Variants in SEMA4A observed in about 807,000 individuals in gnomAD.
SEMA4A encodes semaphorin 4A, also known as semaphorin-4A.
In SEMA4A, 52 loss-of-function variants were observed where a neutral mutation model predicts 72.5. The observed-to-expected ratio is 0.72, with a 90% CI of 0.57 to 0.90. The LOEUF (loss-of-function observed/expected upper bound fraction) is 0.90, where lower values mean the gene tolerates loss of function less well. Ranked by LOEUF, SEMA4A falls within the 40% of genes least tolerant of loss-of-function variation. The probability of loss-of-function intolerance (pLI) is 0.00; values close to 1 mark genes in which losing one functional copy is unlikely to be tolerated. For missense variants in SEMA4A, 926 were observed against 959.7 expected, an observed-to-expected ratio of 0.96 and a Z score of 0.46; for synonymous variants, 369 against 393.1, an observed-to-expected ratio of 0.94 and a Z score of 0.73.
At chr1:156,161,319 G>GCCCCCAGACA in intron 8 of SEMA4A, 27 bp from the exon 9 acceptor site, 2 of 806,742 alleles carry the variant, frequency 2.5e-6, no homozygotes, top group East Asian at 4.3e-5. Flanking sequence ...CGCCCGGGGC[G>GCCCCCAGACA]CCCCCTGACT....
chr1:156,168,570 T>C (rs1654406652), intron 10 of SEMA4A, among the ~76,000 whole-genome samples: 1 of 151,894 alleles, frequency 6.6e-6, no homozygotes. Flanking sequence ...TTTTTTCCCC[T>C]ATTTGTTTAT....
In SEMA4A at chr1:156,174,957, C is replaced by A; in HGVS notation, c.1434+17C>A. On this transcript the variant is annotated intron_variant, in intron 12 of 14. Coordinates refer to ENST00000368285, the MANE Select transcript of SEMA4A (RefSeq NM_022367.4). The stretch of plus-strand genomic sequence containing the variant: ...CCCACCCAGGTGGGAAGGGACCTGA[C>A]CATCAAATGGCCTTCCAGTGGGGCT... 6.2e-7 allele frequency: 1 copy of A among 1,614,232 alleles called. No homozygotes were observed. Among genetic ancestry groups the A allele is most frequent in the Non-Finnish European group, 8.5e-7 (1 of 1,180,036 alleles).
chr1:156,175,704 CT>C (rs1655261628), intron 14 of SEMA4A, 48 bp downstream of exon 14: 2 of 1,402,352 alleles, frequency 1.4e-6, no homozygotes, highest in East Asian at 4.8e-5. Context: ...CTCTGGAAGA[CT>C]TTTGGGCAGG....
Position 156,157,471 on chromosome 1 carries a change from A to G in SEMA4A, c.301-599A>G, listed in dbSNP as rs1268785942. 2.0e-5 allele frequency among the ~76,000 whole-genome samples: 3 copies of G among 152,206 alleles called. No individual in the cohort carries two copies. The highest frequency in any genetic ancestry group is 4.4e-5 in the Non-Finnish European group (3 of 68,036). ...AGTGCTGGGATTACAGGTGTGAGCC[A>G]CTGTGCCTGGCTGCTTCTGTCTTAG... On this transcript the variant is annotated intron_variant, in intron 3 of 14. Transcript: ENST00000368285. The surrounding 1 kb of genome is among the most constrained non-coding windows in gnomAD (Gnocchi z 4.5).
intron 3 of SEMA4A, 37 bp downstream of exon 3, chr1:156,156,611 T>C (rs1478080711): frequency 1.2e-6 from 2 of 1,610,284 alleles, no homozygotes; most frequent in Non-Finnish European, 8.5e-7. Context: ...GGGCTGGGAG[T>C]GAAGAGGGGG....
At position 156,175,195 on chromosome 1, in the gene SEMA4A, C is replaced by T; in HGVS notation, c.1544C>T (p.Ala515Val). ...GTCCTTGCCCGGGACCCCCACTGTGCCTGGGACCCTGAGTCCCGAACCTGT... is the reference window on the plus strand; with the variant it reads ...GTCCTTGCCCGGGACCCCCACTGTGTCTGGGACCCTGAGTCCCGAACCTGT... The part of the protein sequence containing the change: ...DCVLARDPHC[A>V]WDPESRTCCL... The change falls in exon 13 of 15, where the codon GCC becomes GTC. Residue 515 changes from alanine (A) to valine (V), a missense_variant. Physicochemically the swap from Ala to Val is moderately conservative, Grantham distance 64. Transcript: ENST00000368285. The T allele has an allele frequency of 6.2e-7, 1 of 1,614,086 alleles. No homozygotes were observed. Among genetic ancestry groups the T allele is most frequent in the South Asian group, 1.1e-5 (1 of 91,090 alleles).
rs751031115 is a variant in SEMA4A, at chr1:156,174,824, A to G, written c.1318A>G (p.Thr440Ala). The G allele has an allele frequency of 4.3e-6, 7 of 1,614,046 alleles. No individual in the cohort carries two copies. The highest frequency in any genetic ancestry group is 5.9e-6 in the Non-Finnish European group (7 of 1,180,030). The part of the protein sequence containing the change: ...SHLVMYLGTT[T>A]GSLHKAVVSG... ...CCACTCTCTCTGTCTCCCCATAGCC[A>G]CAGGGTCGCTCCACAAGGCTGTGGT... Residue 440 changes from threonine (T) to alanine (A), a missense_variant and splice_region_variant, in exon 12 of 15, where the codon ACA becomes GCA. Coordinates refer to ENST00000368285, the MANE Select transcript of SEMA4A (RefSeq NM_022367.4).
At chr1:156,172,611 G>A (rs1191282998) in intron 10 of SEMA4A, among the ~76,000 whole-genome samples, 1 of 152,232 alleles carries the variant, frequency 6.6e-6, no homozygotes, top group Non-Finnish European at 1.5e-5. Flanking sequence ...CTATGAGGCA[G>A]GTCTTGGTAA....
At chr1:156,151,840 A>G (rs923814983), upstream of SEMA4A, among the ~76,000 whole-genome samples, 57 of 136,180 alleles carry the variant, frequency 4.2e-4, no homozygotes, top group Admixed American at 7.7e-4. Flanking sequence ...CTTCGTCTCA[A>G]AAAAAAAAAA....
At chr1:156,156,179 C>G (rs767539812) in intron 2 of SEMA4A, 1 of 533,232 alleles carries the variant, frequency 1.9e-6, no homozygotes, top group Non-Finnish European at 3.5e-6. Context: ...CTTTATTTCC[C>G]GTCCCCATTA....
At position 156,154,671 on chromosome 1, in the gene SEMA4A, G is replaced by A. The variant is rs769429823; in HGVS notation, c.93G>A (p.Ala31=). 12 of 1,598,824 alleles carry A rather than the reference G, an allele frequency of 7.5e-6. No individual in the cohort carries two copies. Among genetic ancestry groups the A allele is most frequent in the Non-Finnish European group, 9.4e-6 (11 of 1,173,324 alleles). Residue 31 remains alanine, a synonymous_variant, in exon 2 of 15, where the codon GCG becomes GCA. Coordinates refer to ENST00000368285, the MANE Select transcript of SEMA4A (RefSeq NM_022367.4). The stretch of plus-strand genomic sequence containing the variant: ...AGCTGCTGCTGCCGACGACGACCGC[G>A]GGGGGAGGCGGGCAGGGGCCCATGC... The part of the protein sequence containing the change: ...LLQLLLPTTT[A]GGGGQGPMPR...
rs1359914821 is a variant in SEMA4A at position 156,172,951 on chromosome 1, G to A, written c.1260G>A (p.Val420=). The change falls in exon 11 of 15, where the codon GTG becomes GTA. Residue 420 remains valine, a synonymous_variant. Transcript: ENST00000368285. Reference sequence around the variant, plus strand: ...GCGTGGAGTATACACGGCTTGCAGTGGAGACAGCCCAGGGCCTTGATGGGC... The same window carrying A: ...GCGTGGAGTATACACGGCTTGCAGTAGAGACAGCCCAGGGCCTTGATGGGC... ...KSGVEYTRLA[V]ETAQGLDGHS... is the part of the protein sequence containing the mutation. 11 of 1,614,062 alleles carry A rather than the reference G, an allele frequency of 6.8e-6. No homozygotes were observed. The highest frequency in any genetic ancestry group is 9.3e-6 in the Non-Finnish European group (11 of 1,180,014).
intron 11 of SEMA4A, 43 bp from the exon 12 acceptor site, chr1:156,174,779 T>C (rs1407515458): frequency 1.2e-6 from 2 of 1,613,982 alleles, no homozygotes. Flanking sequence ...AAGGGATCTG[T>C]GGATGAGATG....
intron 10 of SEMA4A, among the ~76,000 whole-genome samples, chr1:156,171,977 G>A (rs1572421098): frequency 6.6e-6 from 1 of 151,812 alleles, no homozygotes; most frequent in East Asian, 1.9e-4. Flanking sequence ...GTAGAGACGG[G>A]GTTTCACCAT....
chr1:156,164,878 G>A (rs1654017586), intron 10 of SEMA4A, among the ~76,000 whole-genome samples: 1 of 151,890 alleles, frequency 6.6e-6, no homozygotes, highest in African/African-American at 2.4e-5. Flanking sequence ...TCGGCTCGCT[G>A]CAACCTCGGC....
chr1:156,161,419 A>C lies in SEMA4A; in HGVS notation c.884A>C (p.Gln295Pro), dbSNP rs778970194. 6.2e-7 allele frequency: 1 copy of C among 1,613,356 alleles called. No individual in the cohort carries two copies. Among genetic ancestry groups the C allele is most frequent in the Non-Finnish European group, 8.5e-7 (1 of 1,179,602 alleles). ...TFLKAQLLCT[Q>P]PGQLPFNVIR... Reference sequence around the variant, plus strand: ...CTGAAGGCCCAGCTGCTCTGCACCCAGCCGGGGCAGCTGCCCTTCAACGTC... The same window carrying C: ...CTGAAGGCCCAGCTGCTCTGCACCCCGCCGGGGCAGCTGCCCTTCAACGTC... Residue 295 changes from glutamine to proline, a missense_variant, in exon 9 of 15, where the codon CAG (glutamine) becomes CCG (proline). By Grantham distance (76) the Gln-to-Pro change is moderately conservative. Transcript: ENST00000368285.
At chr1:156,169,571 C>G (rs1445296255) in intron 10 of SEMA4A, among the ~76,000 whole-genome samples, 3 of 150,638 alleles carry the variant, frequency 2.0e-5, no homozygotes, top group Non-Finnish European at 4.4e-5. Context: ...AGGCGCCCGC[C>G]ACCATGCCTG....
At chr1:156,175,457 T>C in intron 13 of SEMA4A, 99 bp from the exon 14 acceptor site, 1 of 1,130,060 alleles carries the variant, frequency 8.8e-7, no homozygotes, top group Non-Finnish European at 1.3e-6. Context: ...TAGTCTCCCC[T>C]GGCCTACCTT....
Position 156,160,952 on chromosome 1 carries a change from T to A in SEMA4A, c.733T>A (p.Phe245Ile). Residue 245 changes from phenylalanine to isoleucine, a missense_variant, in exon 8 of 15, where the codon TTC (phenylalanine) becomes ATC (isoleucine). By Grantham distance (21) the Phe-to-Ile change is conservative. Transcript: ENST00000368285. ...CATCCCTTCGACCCAGGTCGTCTAC[T>A]TCTTCTTCGAGGAGACAGCCAGCGA... ...AAIPSTQVVY[F>I]FFEETASEFD... 7 of 1,612,768 alleles carry A rather than the reference T, an allele frequency of 4.3e-6. No homozygotes were observed. Among genetic ancestry groups the A allele is most frequent in the Non-Finnish European group, 5.9e-6 (7 of 1,179,492 alleles).
Sources: allele counts gnomAD v4.1 joint callset (sites outside exome capture counted in the v4.1 genomes callset), GRCh38; gene constraint gnomAD v4.1.1; non-coding constraint Gnocchi (gnomAD v3.1); transcripts MANE v1.5; gene names NCBI Gene and HGNC (gene_info 2026-07-23, HGNC 2026-07-21).